OPHN1: variants seen among roughly 807,000 people sequenced by gnomAD.
OPHN1 encodes oligophrenin-1.
OPHN1 carries 11 observed loss-of-function variants against 60.7 expected under a neutral mutation model. That is an observed-to-expected ratio of 0.18 (90% confidence interval 0.11 to 0.30). The LOEUF (loss-of-function observed/expected upper bound fraction) is 0.30, where lower values mean the gene tolerates loss of function less well. Ranked by LOEUF, OPHN1 falls within the 10% of genes least tolerant of loss-of-function variation. OPHN1 has a pLI of 1.00. For synonymous variants in OPHN1, 226 were observed against 222.6 expected, an observed-to-expected ratio of 1.02 and a Z score of -0.14; for missense variants, 449 against 611.0, an observed-to-expected ratio of 0.73 and a Z score of 2.80.
intron 21 of OPHN1, among the ~76,000 whole-genome samples, chrX:68,059,334 C>T (rs1191170531): frequency 9.0e-6 from 1 of 111,019 alleles, no homozygotes; most frequent in Non-Finnish European, 1.9e-5. Context: ...TCCACCTTTC[C>T]TTATATTCCT....
intron 2 of OPHN1, among the ~76,000 whole-genome samples, 188 bp downstream of exon 2, chrX:68,432,679 C>G (rs776358217): frequency 8.9e-6 from 1 of 111,750 alleles, no homozygotes; most frequent in South Asian, 3.8e-4. Flanking sequence ...GGAAAAGGCC[C>G]AAAGTTCTGG....
intron 2 of OPHN1, among the ~76,000 whole-genome samples, chrX:68,354,700 A>C (rs1224181197): frequency 9.6e-6 from 1 of 104,006 alleles, no homozygotes; most frequent in Non-Finnish European, 1.9e-5. Context: ...GGTTGCAGTG[A>C]GCCAAGGTCA....
intron 15 of OPHN1, among the ~76,000 whole-genome samples, chrX:68,176,623 T>C (rs2077415377): frequency 8.9e-6 from 1 of 111,884 alleles, no homozygotes; most frequent in East Asian, 2.8e-4. Flanking sequence ...CAACATAGTA[T>C]GGTGGTTCCT....
At chrX:68,152,123 C>T (rs1002670040) in intron 15 of OPHN1, among the ~76,000 whole-genome samples, 1 of 111,129 alleles carries the variant, frequency 9.0e-6, no homozygotes, top group African/African-American at 3.3e-5. Flanking sequence ...ATGATCCAAT[C>T]ACCTCCCATG....
chrX:68,179,374 G>C (rs1173860348), intron 15 of OPHN1, among the ~76,000 whole-genome samples: 1 of 111,889 alleles, frequency 8.9e-6, no homozygotes, highest in African/African-American at 3.2e-5. Flanking sequence ...AGGCAATAAT[G>C]TATATCTTTG....
Position 68,432,021 on chromosome X carries a change from T to C in OPHN1, c.154+846A>G, listed in dbSNP as rs752161492. Reference sequence around the variant, plus strand: ...CTGCACTCTCGTTGGGGATGTTTATTATTCTTTCTTTTACTCCAAGCCTCC... The same window carrying C: ...CTGCACTCTCGTTGGGGATGTTTATCATTCTTTCTTTTACTCCAAGCCTCC... On this transcript the variant is annotated intron_variant, in intron 2 of 24. Coordinates refer to ENST00000355520, the MANE Select transcript of OPHN1 (RefSeq NM_002547.3). Among the ~76,000 whole-genome samples, 237 of 110,511 alleles carry C rather than the reference T, an allele frequency of 2.1e-3. 2 individuals are homozygous for C. Among genetic ancestry groups the C allele is most frequent in the African/African-American group, 7.4e-3 (224 of 30,367 alleles).
At chrX:68,346,369 T>C (rs763203941) in intron 2 of OPHN1, among the ~76,000 whole-genome samples, 1 of 111,707 alleles carries the variant, frequency 9.0e-6, no homozygotes, top group East Asian at 2.8e-4. Flanking sequence ...CTGTATCAAA[T>C]AACAATAGAG....
intron 20 of OPHN1, among the ~76,000 whole-genome samples, chrX:68,065,427 G>A (rs894577242): frequency 2.7e-5 from 3 of 111,910 alleles, no homozygotes; most frequent in Admixed American, 9.5e-5. Context: ...GAGTAGGTTG[G>A]GGGAACGGGT....
At chrX:68,399,731 A>G (rs1437839768) in intron 2 of OPHN1, among the ~76,000 whole-genome samples, 2 of 110,908 alleles carry the variant, frequency 1.8e-5, no homozygotes, top group African/African-American at 3.3e-5. Context: ...GGTTCACGCT[A>G]TATCTCCCTA....
intron 5 of OPHN1, among the ~76,000 whole-genome samples, chrX:68,242,408 A>G (rs1284708664): frequency 1.8e-5 from 2 of 110,815 alleles, no homozygotes; most frequent in African/African-American, 6.6e-5. Flanking sequence ...TGAAAATTAT[A>G]TATGTGGAAA....
At chrX:68,357,732 T>G (rs903419241) in intron 2 of OPHN1, among the ~76,000 whole-genome samples, 1 of 111,092 alleles carries the variant, frequency 9.0e-6, no homozygotes, top group African/African-American at 3.3e-5. Flanking sequence ...TATGTCTTTA[T>G]AGCAGCATGA....
At chrX:68,372,872 C>A (rs1028528549) in intron 2 of OPHN1, among the ~76,000 whole-genome samples, 1 of 110,519 alleles carries the variant, frequency 9.0e-6, no homozygotes, top group Non-Finnish European at 1.9e-5. Context: ...TCACAAAAAA[C>A]GTATTCACCT....
chrX:68,073,045 G>T, intron 20 of OPHN1, 107 bp downstream of exon 20: 1 of 929,485 alleles, frequency 1.1e-6, no homozygotes, highest in Non-Finnish European at 1.5e-6. Flanking sequence ...GCCAGGAAAG[G>T]TCTACTTTTA....
chrX:68,164,981 C>A (rs936224942), intron 15 of OPHN1, among the ~76,000 whole-genome samples: 1 of 111,957 alleles, frequency 8.9e-6, no homozygotes, highest in African/African-American at 3.2e-5. Flanking sequence ...ACAACCTATG[C>A]TAGCTTCAAA....
chrX:68,391,735 G>A (rs1217745275), intron 2 of OPHN1, among the ~76,000 whole-genome samples: 2 of 111,656 alleles, frequency 1.8e-5, no homozygotes, highest in Non-Finnish European at 3.8e-5. Context: ...TAAGAGGGAC[G>A]TAGGAGGATC....
chrX:68,257,921 C>T (rs1225797649), intron 5 of OPHN1, among the ~76,000 whole-genome samples: 5 of 110,345 alleles, frequency 4.5e-5, no homozygotes, highest in African/African-American at 1.3e-4. Context: ...TATTAGGAAC[C>T]GAGTTACAAG....
intron 2 of OPHN1, among the ~76,000 whole-genome samples, chrX:68,372,948 C>T (rs986482163): frequency 1.8e-5 from 2 of 112,009 alleles, no homozygotes; most frequent in African/African-American, 6.5e-5. Flanking sequence ...ACTGTCAGCT[C>T]TTTCTCGGGG....
chrX:68,155,128 G>C (rs2077303776), intron 15 of OPHN1, among the ~76,000 whole-genome samples: 1 of 111,098 alleles, frequency 9.0e-6, no homozygotes. Context: ...ACCAAGTTAA[G>C]GAAGAATCAG....
rs1246707268 is a variant in OPHN1 at position 68,045,324 on chromosome X, T to TA, written c.*1847dup. The stretch of plus-strand genomic sequence containing the variant: ...AAAAGGCTCTCAGTGTACTTGGCCT[T>TA]ACATGTTCCTAACTCACCAATAAAC... On this transcript the variant is annotated 3_prime_UTR_variant, in exon 25 of 25. Transcript: ENST00000355520. 8.9e-6 allele frequency: 1 copy of TA among 112,350 alleles called. No individual in the cohort carries two copies. Among genetic ancestry groups the TA allele is most frequent in the Non-Finnish European group, 1.9e-5 (1 of 53,244 alleles). The allele number at this position is 112,350 out of a possible 1,213,427, so 9.3% of individuals were successfully genotyped here.
Sources: allele counts gnomAD v4.1 joint callset (sites outside exome capture counted in the v4.1 genomes callset), GRCh38; gene constraint gnomAD v4.1.1; transcripts MANE v1.5; gene names NCBI Gene and HGNC (gene_info 2026-07-23, HGNC 2026-07-21).